The following FRAS1 variants were observed in gnomAD, a reference collection of about 807,000 sequenced individuals.
FRAS1 encodes the protein Fraser extracellular matrix complex subunit 1.
In FRAS1, 290 loss-of-function variants were observed where a neutral mutation model predicts 435.2. The ratio of observed to expected loss-of-function variants is 0.67; its 90% CI spans 0.61 to 0.73. FRAS1 has a LOEUF of 0.73. Among genes scored for constraint, FRAS1 ranks in the 30% least tolerant of loss-of-function variants. The pLI, the probability that FRAS1 is intolerant of heterozygous loss-of-function variation, is 0.00. For missense variants in FRAS1, 4,860 were observed against 5,001.5 expected (o/e 0.97, Z 0.85); for synonymous variants, 1,800 against 1,851.0 (o/e 0.97, Z 0.71).
intron 2 of FRAS1, among the ~76,000 whole-genome samples, chr4:78,189,995 A>T (rs575896950): frequency 1.3e-5 from 2 of 152,368 alleles, no homozygotes; most frequent in Admixed American, 1.3e-4. Context: ...TTAGCCATCT[A>T]ACCTGGTTCT....
intron 19 of FRAS1, among the ~76,000 whole-genome samples, chr4:78,336,457 C>T (rs1328520832): frequency 6.6e-6 from 1 of 152,160 alleles, no homozygotes; most frequent in African/African-American, 2.4e-5. Flanking sequence ...TGGATGGTAC[C>T]ATAAGCAGCA....
intron 2 of FRAS1, among the ~76,000 whole-genome samples, chr4:78,194,441 T>C (rs1458825042): frequency 1.3e-5 from 2 of 152,230 alleles, no homozygotes; most frequent in Admixed American, 1.3e-4. Flanking sequence ...TTTCACATAG[T>C]CTCATATTTC....
intron 6 of FRAS1, among the ~76,000 whole-genome samples, 182 bp downstream of exon 6, chr4:78,255,557 A>G (rs1164431078): frequency 6.6e-6 from 1 of 152,256 alleles, no homozygotes; most frequent in Non-Finnish European, 1.5e-5. Flanking sequence ...AACTACAGAT[A>G]GGTCTAATTA....
At chr4:78,440,396 G>T (rs1734614746) in intron 40 of FRAS1, among the ~76,000 whole-genome samples, 1 of 152,086 alleles carries the variant, frequency 6.6e-6, no homozygotes, top group Non-Finnish European at 1.5e-5. Context: ...ATAAAACCTT[G>T]GAAAAGCCAT....
intron 41 of FRAS1, 133 bp from the exon 42 acceptor site, chr4:78,445,389 T>C: frequency 8.3e-7 from 1 of 1,204,912 alleles, no homozygotes; most frequent in Non-Finnish European, 1.1e-6. Context: ...CTTGTGCTTA[T>C]CCCACTCTCC....
intron 54 of FRAS1, among the ~76,000 whole-genome samples, chr4:78,476,969 A>T (rs1247714857): frequency 7.8e-6 from 1 of 127,622 alleles, no homozygotes; most frequent in South Asian, 2.8e-4. Flanking sequence ...TCACTTGAAG[A>T]TTTTTAATTT....
At chr4:78,269,617 G>C (rs1390846457) in intron 9 of FRAS1, among the ~76,000 whole-genome samples, 1 of 152,100 alleles carries the variant, frequency 6.6e-6, no homozygotes, top group Non-Finnish European at 1.5e-5. Context: ...TACAGTTTTT[G>C]TTGTTGTTAA....
At chr4:78,208,500 G>A (rs888922879) in intron 2 of FRAS1, among the ~76,000 whole-genome samples, 7 of 152,084 alleles carry the variant, frequency 4.6e-5, no homozygotes, top group Non-Finnish European at 1.0e-4. Flanking sequence ...AGGCAACAGA[G>A]AAAGGTGAAG....
At position 78,477,833 on chromosome 4, in the gene FRAS1, G is replaced by A. The variant is rs1719900462; in HGVS notation, c.7870G>A (p.Glu2624Lys). Residue 2624 changes from glutamate to lysine, a missense_variant, in exon 55 of 74, where the codon GAG becomes AAG. Glu to Lys is a moderately conservative substitution (Grantham distance 56). Transcript: ENST00000512123. ...YAGQVQFDER[E>K]DTKSCTIVIN... ...GTGACAGGTCCAGTTTGATGAGCGA[G>A]AGGACACCAAGTCCTGCACCATTGT... 2.5e-6 allele frequency: 4 copies of A among 1,613,272 alleles called. No individual in the cohort carries two copies. The highest frequency in any genetic ancestry group is 2.2e-5 in the South Asian group (2 of 90,906).
At chr4:78,204,802 C>G (rs1387584307) in intron 2 of FRAS1, among the ~76,000 whole-genome samples, 1 of 152,310 alleles carries the variant, frequency 6.6e-6, no homozygotes, top group East Asian at 1.9e-4. Context: ...TAAAAGACAT[C>G]ACTACAATGA....
rs1429494974 is a variant in FRAS1 at position 78,281,386 on chromosome 4, C to T, written c.1072-12C>T. 1.3e-6 allele frequency: 2 copies of T among 1,558,310 alleles called. No homozygotes were observed. Among genetic ancestry groups the T allele is most frequent in the Non-Finnish European group, 8.7e-7 (1 of 1,150,820 alleles). On this transcript the variant is annotated splice_polypyrimidine_tract_variant and intron_variant, in intron 10 of 73. Transcript: ENST00000512123. ...TTAGTGGCATAATAAAGACATTTCT[C>T]TTTGTTCCTAGATGTCATCAAATGC...
intron 1 of FRAS1, among the ~76,000 whole-genome samples, chr4:78,059,392 A>G (rs1286622665): frequency 2.6e-5 from 4 of 152,070 alleles, no homozygotes; most frequent in Non-Finnish European, 5.9e-5. Flanking sequence ...GATGTGTGTC[A>G]AGTGTGTATA....
chr4:78,390,328 A>G (rs1327763612), intron 29 of FRAS1, among the ~76,000 whole-genome samples: 1 of 152,194 alleles, frequency 6.6e-6, no homozygotes, highest in Non-Finnish European at 1.5e-5. Context: ...GATCTTCATG[A>G]TCACTCTGTG....
intron 2 of FRAS1, among the ~76,000 whole-genome samples, chr4:78,167,566 T>TTA: frequency 6.6e-6 from 1 of 152,174 alleles, no homozygotes; most frequent in Non-Finnish European, 1.5e-5. Context: ...TAACTGGCAC[T>TTA]TACTATGTGA....
chr4:78,187,617 T>C (rs1722328450), intron 2 of FRAS1, among the ~76,000 whole-genome samples: 1 of 152,120 alleles, frequency 6.6e-6, no homozygotes. Flanking sequence ...TCTTTTCTTT[T>C]TTCTGAGATG....
At chr4:78,455,592 T>C (rs530947014) in intron 47 of FRAS1, among the ~76,000 whole-genome samples, 2 of 152,342 alleles carry the variant, frequency 1.3e-5, no homozygotes, top group East Asian at 3.9e-4. Flanking sequence ...CTTATTTTCA[T>C]GCTGTCTTGC....
intron 20 of FRAS1, among the ~76,000 whole-genome samples, chr4:78,345,253 G>C (rs115724750): frequency 1.3e-5 from 2 of 152,116 alleles, no homozygotes; most frequent in African/African-American, 4.8e-5. Context: ...ATCCCCGGAA[G>C]CCCCCCTGAA....
At chr4:78,453,046 T>G (rs17003237) in intron 47 of FRAS1, among the ~76,000 whole-genome samples, 3,944 of 152,228 alleles carry the variant, frequency 0.026, 171 homozygotes, top group African/African-American at 0.09. Context: ...AAAACAACAA[T>G]TAGGTCAATT....
intron 12 of FRAS1, among the ~76,000 whole-genome samples, 176 bp from the exon 13 acceptor site, chr4:78,284,229 A>ATTTTTTTTTTTTTTTTTT (rs11453256): frequency 1.2e-5 from 1 of 80,818 alleles, no homozygotes; most frequent in African/African-American, 4.4e-5. Context: ...ATTGGAATGT[A>ATTTTTTTTTTTTTTTTTT]TTTTTTTTTT....
Sources: gnomAD v4.1 joint callset for allele counts (sites outside exome capture counted in the v4.1 genomes callset) on GRCh38, gnomAD v4.1.1 for gene constraint, MANE v1.5 for transcripts, NCBI Gene and HGNC (gene_info 2026-07-23, HGNC 2026-07-21) for gene names.